The following ZCCHC7 variants were observed in gnomAD, a reference collection of about 807,000 sequenced individuals.
The protein encoded by ZCCHC7 is zinc finger CCHC domain-containing protein 7.
In ZCCHC7, 35 loss-of-function variants were observed where a neutral mutation model predicts 52.0. That is an observed-to-expected ratio of 0.67 (90% CI 0.51 to 0.89). The LOEUF is 0.89. Among genes scored for constraint, ZCCHC7 ranks in the 40% least tolerant of loss-of-function variants. The probability of loss-of-function intolerance (pLI) is 0.00; values close to 1 mark genes in which losing one functional copy is unlikely to be tolerated. For missense variants in ZCCHC7, 574 were observed against 649.1 expected (o/e 0.88, Z 1.26); for synonymous variants, 217 against 221.5 (o/e 0.98, Z 0.18).
intron 2 of ZCCHC7, among the ~76,000 whole-genome samples, chr9:37,179,636 A>C (rs1016678926): frequency 3.9e-5 from 6 of 152,130 alleles, no homozygotes; most frequent in Non-Finnish European, 8.8e-5. Context: ...GTCTCTTTGC[A>C]TGGATAGTTG....
intron 2 of ZCCHC7, among the ~76,000 whole-genome samples, chr9:37,271,923 GC>G (rs1827437123): frequency 6.6e-6 from 1 of 152,244 alleles, no homozygotes. Context: ...AAAATGTTTT[GC>G]TTAACAATAG....
intron 2 of ZCCHC7, among the ~76,000 whole-genome samples, chr9:37,260,113 T>G (rs1564208406): frequency 6.6e-6 from 1 of 152,240 alleles, no homozygotes; most frequent in South Asian, 2.1e-4. Context: ...GACAAAGGTT[T>G]TACTCTCTGA....
At chr9:37,332,884 TTGTA>T (rs1472992743) in intron 6 of ZCCHC7, among the ~76,000 whole-genome samples, 2 of 151,622 alleles carry the variant, frequency 1.3e-5, no homozygotes, top group Non-Finnish European at 3.0e-5. Context: ...TATTTAGAAA[TTGTA>T]TGTATGCATA....
At chr9:37,218,942 AT>A (rs5897682) in intron 2 of ZCCHC7, among the ~76,000 whole-genome samples, 41,215 of 106,274 alleles carry the variant, frequency 0.39, 5,522 homozygotes, top group Non-Finnish European at 0.42. Context: ...CTAGAGCAAC[AT>A]TTTTTTTTTT....
At chr9:37,149,570 A>G (rs1313173476) in intron 2 of ZCCHC7, among the ~76,000 whole-genome samples, 1 of 152,154 alleles carries the variant, frequency 6.6e-6, no homozygotes, top group Non-Finnish European at 1.5e-5. Flanking sequence ...CTTACTGGGG[A>G]AAAAGACTAT....
At chr9:37,233,912 G>A (rs1390136307) in intron 2 of ZCCHC7, among the ~76,000 whole-genome samples, 1 of 152,188 alleles carries the variant, frequency 6.6e-6, no homozygotes, top group Non-Finnish European at 1.5e-5. Context: ...GGAGTGCAGT[G>A]GCACGATCTC....
chr9:37,263,730 G>T (rs986280648), intron 2 of ZCCHC7, among the ~76,000 whole-genome samples: 4 of 152,102 alleles, frequency 2.6e-5, no homozygotes, highest in African/African-American at 9.7e-5. Context: ...TTGGATACAT[G>T]GAAATTTCTT....
chr9:37,249,505 C>G (rs1826223333), intron 2 of ZCCHC7, among the ~76,000 whole-genome samples: 1 of 137,938 alleles, frequency 7.2e-6, no homozygotes, highest in Non-Finnish European at 1.5e-5. Flanking sequence ...AGCGTCTTGC[C>G]CTGTCGCCAC....
intron 2 of ZCCHC7, among the ~76,000 whole-genome samples, chr9:37,154,045 A>G (rs188404658): frequency 2.5e-3 from 381 of 152,068 alleles, no homozygotes; most frequent in Middle Eastern, 0.024. Context: ...ATGCACCATC[A>G]TGCCCAACTA....
intron 3 of ZCCHC7, among the ~76,000 whole-genome samples, chr9:37,303,739 C>T (rs1829157885): frequency 7.0e-6 from 1 of 142,478 alleles, no homozygotes; most frequent in African/African-American, 2.6e-5. Context: ...TCTCGGCTCA[C>T]CACATCCTCC....
chr9:37,158,563 C>T (rs915112566), intron 2 of ZCCHC7, among the ~76,000 whole-genome samples: 5 of 152,122 alleles, frequency 3.3e-5, no homozygotes, highest in African/African-American at 4.8e-5. Context: ...GACATTTCCC[C>T]CTTGAGATTT....
chr9:37,320,467 C>T (rs7026420), intron 5 of ZCCHC7, among the ~76,000 whole-genome samples: 8,146 of 152,212 alleles, frequency 0.054, 724 homozygotes, highest in African/African-American at 0.18. Context: ...TCTGTACTTA[C>T]AATAATTTCT....
intron 2 of ZCCHC7, among the ~76,000 whole-genome samples, chr9:37,193,058 C>T (rs1823099599): frequency 6.6e-6 from 1 of 152,216 alleles, no homozygotes; most frequent in South Asian, 2.1e-4. Context: ...AGGATTTTAA[C>T]CTCAAATAGA....
At chr9:37,227,985 C>T (rs1167324647) in intron 2 of ZCCHC7, among the ~76,000 whole-genome samples, 1 of 152,046 alleles carries the variant, frequency 6.6e-6, no homozygotes, top group Non-Finnish European at 1.5e-5. Context: ...TTAGTAGAGA[C>T]AGGGTTTTGC....
At chr9:37,185,930 A>G (rs1247174751) in intron 2 of ZCCHC7, among the ~76,000 whole-genome samples, 2 of 95,368 alleles carry the variant, frequency 2.1e-5, no homozygotes, top group Non-Finnish European at 5.2e-5. Flanking sequence ...CATTTTATTT[A>G]TTTATTTATT....
At chr9:37,175,377 C>T (rs911267636) in intron 2 of ZCCHC7, among the ~76,000 whole-genome samples, 1 of 152,036 alleles carries the variant, frequency 6.6e-6, no homozygotes, top group African/African-American at 2.4e-5. Context: ...CCTAATATTT[C>T]TTCCTCTGCT....
chr9:37,287,675 G>A (rs945193138), intron 2 of ZCCHC7, among the ~76,000 whole-genome samples: 3 of 151,952 alleles, frequency 2.0e-5, no homozygotes, highest in Non-Finnish European at 4.4e-5. Flanking sequence ...ATATTTATGT[G>A]TTTTTACACA....
At chr9:37,145,123 T>C (rs1843382547) in intron 2 of ZCCHC7, 1 of 151,986 alleles carries the variant, frequency 6.6e-6, no homozygotes, top group South Asian at 2.1e-4. Flanking sequence ...CTTCGTCTTG[T>C]AATATTTGTT....
intron 2 of ZCCHC7, among the ~76,000 whole-genome samples, chr9:37,207,729 C>T (rs1322368690): frequency 6.6e-6 from 1 of 151,866 alleles, no homozygotes; most frequent in Non-Finnish European, 1.5e-5. Context: ...CTGTCATATC[C>T]AATCTGCTAT....
Sources: allele counts gnomAD v4.1 joint callset (sites outside exome capture counted in the v4.1 genomes callset), GRCh38; gene constraint gnomAD v4.1.1; transcripts MANE v1.5; gene names NCBI Gene and HGNC (gene_info 2026-07-23, HGNC 2026-07-21).